Variants in DNAH14 observed in about 807,000 individuals in gnomAD.
DNAH14 encodes axonemal beta dynein heavy chain 14.
DNAH14 carries 478 observed loss-of-function variants against 520.9 expected under a neutral mutation model. That is an observed-to-expected ratio of 0.92 (90% CI 0.85 to 0.99). DNAH14 has a LOEUF of 0.99. Among genes scored for constraint, DNAH14 ranks in the 50% least tolerant of loss-of-function variants. The pLI is 0.00. For missense variants in DNAH14, 4,831 were observed against 5,234.5 expected (o/e 0.92, Z 2.38); for synonymous variants, 1,581 against 1,757.2 (o/e 0.90, Z 2.51).
chr1:224,936,886 C>T (rs2059076232), intron 1 of DNAH14, among the ~76,000 whole-genome samples: 1 of 151,940 alleles, frequency 6.6e-6, no homozygotes, highest in South Asian at 2.1e-4. Flanking sequence ...AATTGAGATT[C>T]TTCCCAGGGA....
intron 11 of DNAH14, among the ~76,000 whole-genome samples, chr1:225,032,075 AT>A (rs1271481771): frequency 2.6e-5 from 4 of 151,082 alleles, no homozygotes; most frequent in South Asian, 2.1e-4. Context: ...TCTCAGTTTA[AT>A]TTTTTTTTAA....
At chr1:225,369,239 T>C (rs761753419) in intron 77 of DNAH14, among the ~76,000 whole-genome samples, 1 of 151,372 alleles carries the variant, frequency 6.6e-6, no homozygotes, top group African/African-American at 2.4e-5. Flanking sequence ...ATGGAAGGAA[T>C]GTTATCAGTC....
chr1:224,982,518 C>T (rs554503434), intron 8 of DNAH14, among the ~76,000 whole-genome samples: 2 of 152,284 alleles, frequency 1.3e-5, no homozygotes, highest in South Asian at 4.1e-4. Flanking sequence ...TTCTCTAGTT[C>T]CTTGAGGCGT....
At chr1:225,128,403 T>C (rs2078001977) in intron 27 of DNAH14, among the ~76,000 whole-genome samples, 1 of 152,128 alleles carries the variant, frequency 6.6e-6, no homozygotes, top group Non-Finnish European at 1.5e-5. Flanking sequence ...TGAACATCGA[T>C]GCAAAAATCC....
At chr1:225,020,702 C>T (rs558083709) in intron 10 of DNAH14, among the ~76,000 whole-genome samples, 1 of 151,952 alleles carries the variant, frequency 6.6e-6, no homozygotes, top group Non-Finnish European at 1.5e-5. Flanking sequence ...CCAATAACAG[C>T]CTTGGACCAT....
intron 12 of DNAH14, among the ~76,000 whole-genome samples, chr1:225,041,454 G>T (rs1009185866): frequency 6.6e-6 from 1 of 152,182 alleles, no homozygotes; most frequent in Non-Finnish European, 1.5e-5. Flanking sequence ...CACAAAAAGT[G>T]TAACAGCTAA....
intron 84 of DNAH14, among the ~76,000 whole-genome samples, chr1:225,392,959 G>A (rs947037): frequency 0.51 from 77,384 of 152,000 alleles, 22,061 homozygotes; most frequent in East Asian, 0.74. Context: ...CAGGTGCACC[G>A]TGCACCCCAG....
chr1:225,026,231 G>T (rs1311093428), intron 11 of DNAH14, among the ~76,000 whole-genome samples: 1 of 151,246 alleles, frequency 6.6e-6, no homozygotes, highest in Non-Finnish European at 1.5e-5. Context: ...GAGTAAAAAA[G>T]TTTTTAATTT....
chr1:225,160,654 A>C (rs930534969), intron 35 of DNAH14, among the ~76,000 whole-genome samples: 5 of 152,138 alleles, frequency 3.3e-5, no homozygotes, highest in Admixed American at 1.3e-4. Context: ...CATTTCATTC[A>C]AGTTTTAAAA....
At chr1:224,959,251 T>TA (rs1359966549) in intron 3 of DNAH14, among the ~76,000 whole-genome samples, 1 of 152,106 alleles carries the variant, frequency 6.6e-6, no homozygotes, top group Admixed American at 6.6e-5. Context: ...CTTGTTTTCT[T>TA]ATCTTTCTCT....
chr1:225,259,223 C>G lies in DNAH14; in HGVS notation c.7127C>G (p.Thr2376Ser). ...DIKHGSILGD[T>S]LLYSEIKKSS... is the part of the protein sequence containing the mutation. ...AAACATGGTTCAATTTTAGGAGACA[C>G]CCTATTATATAGTGAAATAAAAAAA... The change falls in exon 46 of 86, where the codon ACC becomes AGC. Residue 2376 changes from threonine to serine, a missense_variant. By Grantham distance (58) the Thr-to-Ser change is moderately conservative. Transcript: ENST00000682510. 2.6e-6 allele frequency: 4 copies of G among 1,529,332 alleles called. No individual in the cohort carries two copies. The South Asian group carries it at 4.9e-5, about 19-fold the overall frequency. The allele number at this position is 1,529,332 out of a possible 1,614,324, so 94.7% of individuals were successfully genotyped here. A position where few individuals can be genotyped will look rare whatever the true frequency, so the allele number is the denominator to read the frequency against.
chr1:225,338,762 C>T (rs1261254737), intron 68 of DNAH14, among the ~76,000 whole-genome samples: 1 of 152,186 alleles, frequency 6.6e-6, no homozygotes, highest in African/African-American at 2.4e-5. Flanking sequence ...GCATTCTCTC[C>T]TTGTATGCAA....
intron 8 of DNAH14, among the ~76,000 whole-genome samples, chr1:224,989,467 A>T (rs10915756): frequency 0.26 from 39,612 of 151,888 alleles, 8,022 homozygotes; most frequent in African/African-American, 0.56. Context: ...GGAGTTTTTT[A>T]ATATATTTTT....
Position 225,340,511 on chromosome 1 carries a change from C to G in DNAH14, c.10488C>G (p.Asn3496Lys). 6.4e-7 allele frequency: 1 copy of G among 1,551,272 alleles called. No homozygotes were observed. The highest frequency in any genetic ancestry group is 8.7e-7 in the Non-Finnish European group (1 of 1,146,806). Residue 3496 changes from asparagine to lysine, a missense_variant, in exon 69 of 86, where the codon AAC becomes AAG. Transcript: ENST00000682510. The part of the protein sequence containing the change: ...DNPHFLPSVY[N>K]FVTMINFTVT... Reference sequence around the variant, plus strand: ...CCCATTTTCTTCCATCAGTTTATAACTTTGTTACTATGATCAACTTCACTG... The same window carrying G: ...CCCATTTTCTTCCATCAGTTTATAAGTTTGTTACTATGATCAACTTCACTG...
At chr1:224,997,652 G>A (rs1054533970) in intron 8 of DNAH14, among the ~76,000 whole-genome samples, 1 of 151,852 alleles carries the variant, frequency 6.6e-6, no homozygotes, top group African/African-American at 2.4e-5. Context: ...TTAAACATTT[G>A]GTAGAAATGT....
Position 225,260,232 on chromosome 1 carries a change from A to G in DNAH14, c.7157+979A>G, listed in dbSNP as rs149388723. Among the ~76,000 whole-genome samples, 646 of 152,124 alleles carry G rather than the reference A, an allele frequency of 4.2e-3. 3 individuals are homozygous for G. The highest frequency in any genetic ancestry group is 0.015 in the African/African-American group (612 of 41,506). ...CTGGATGTGGTGGCAGGTGCCTGTA[A>G]TCCCAGCTACTCGGAAGACTGAGGC... On this transcript the variant is annotated intron_variant, in intron 46 of 85. Transcript: ENST00000682510.
At chr1:225,037,290 C>G (rs564992085) in intron 11 of DNAH14, among the ~76,000 whole-genome samples, 34 of 152,016 alleles carry the variant, frequency 2.2e-4, no homozygotes, top group African/African-American at 4.8e-4. Flanking sequence ...TGTGGTGGCC[C>G]CTTCCTTCTT....
chr1:225,297,793 T>A (rs1419970450), intron 55 of DNAH14, among the ~76,000 whole-genome samples: 1 of 152,180 alleles, frequency 6.6e-6, no homozygotes, highest in Non-Finnish European at 1.5e-5. Context: ...GCTCACTTGG[T>A]TTGGGGCCAT....
chr1:225,337,309 C>G lies in DNAH14; in HGVS notation c.10124C>G (p.Ser3375Ter), dbSNP rs762331995. Residue 3375 changes from serine to a stop codon, truncating the protein, a stop_gained, in exon 67 of 86, where the codon TCA (serine) becomes TGA (stop). Coordinates refer to ENST00000682510, the MANE Select transcript of DNAH14 (RefSeq NM_001367479.1). LOFTEE classifies it high-confidence loss of function. ...CAGGGACTGCCTCATGGTCAGTATTCAGTAGAGAATGCCATCTTGATCAAG... is the reference window on the plus strand; with the variant it reads ...CAGGGACTGCCTCATGGTCAGTATTGAGTAGAGAATGCCATCTTGATCAAG... The part of the protein sequence containing the change: ...HNQGLPHGQY[S>*]VENAILIKNG... The G allele has an allele frequency of 6.5e-5, 101 of 1,551,746 alleles. 1 individual carries two copies. In the South Asian group the frequency reaches 1.2e-3, roughly 18 times the overall value.
Sources: gnomAD v4.1 joint callset for allele counts (sites outside exome capture counted in the v4.1 genomes callset) on GRCh38, gnomAD v4.1.1 for gene constraint, MANE v1.5 for transcripts, NCBI Gene and HGNC (gene_info 2026-07-23, HGNC 2026-07-21) for gene names.